The following ST8SIA6 variants were observed in gnomAD, a reference collection of about 807,000 sequenced individuals.
ST8SIA6 encodes ST8 alpha-N-acetyl-neuraminide alpha-2,8-sialyltransferase 6, also known as alpha-2,8-sialyltransferase 8F.
A neutral mutation model predicts 33.6 loss-of-function variants in ST8SIA6; 39 were observed. The ratio of observed to expected loss-of-function variants is 1.16; its 90% CI spans 0.90 to 1.52. The LOEUF is 1.52. Among genes scored for constraint, ST8SIA6 ranks in the 40% most tolerant of loss-of-function variants. The pLI is 0.00. For missense variants in ST8SIA6, 441 were observed against 443.8 expected, an observed-to-expected ratio of 0.99 and a Z score of 0.06; for synonymous variants, 172 against 167.2, an observed-to-expected ratio of 1.03 and a Z score of -0.22.
chr10:17,447,711 T>C (rs1331258777), intron 2 of ST8SIA6, among the ~76,000 whole-genome samples: 1 of 152,122 alleles, frequency 6.6e-6, no homozygotes, highest in Admixed American at 6.6e-5. Context: ...ATAATTTTCA[T>C]AGGAAAAAGT....
chr10:17,394,320 C>T (rs946258967), intron 2 of ST8SIA6, among the ~76,000 whole-genome samples: 1 of 150,026 alleles, frequency 6.7e-6, no homozygotes, highest in Non-Finnish European at 1.5e-5. Context: ...GCTCCACTCT[C>T]TGACTTTAGC....
intron 2 of ST8SIA6, among the ~76,000 whole-genome samples, chr10:17,408,940 C>CTTTTTTTTTT (rs112533742): frequency 7.2e-6 from 1 of 138,366 alleles, no homozygotes; most frequent in African/African-American, 2.6e-5. Context: ...TTCTTTCTTT[C>CTTTTTTTTTT]TTTTTTTTTT....
At chr10:17,422,101 C>G (rs1588909774) in intron 2 of ST8SIA6, among the ~76,000 whole-genome samples, 3 of 152,156 alleles carry the variant, frequency 2.0e-5, no homozygotes, top group East Asian at 1.9e-4. Flanking sequence ...GAACACCTAA[C>G]AATGATCTCT....
chr10:17,330,852 A>G (rs1848277279), intron 5 of ST8SIA6, among the ~76,000 whole-genome samples: 2 of 152,200 alleles, frequency 1.3e-5, no homozygotes, highest in Non-Finnish European at 2.9e-5. Flanking sequence ...ATATCATATC[A>G]TTACTCATTT....
intron 2 of ST8SIA6, among the ~76,000 whole-genome samples, chr10:17,414,443 A>C (rs1348058746): frequency 1.3e-5 from 2 of 152,222 alleles, no homozygotes; most frequent in African/African-American, 4.8e-5. Context: ...GCAGAGGAGC[A>C]ACACTTTCAT....
chr10:17,366,348 G>C (rs1282250378), intron 3 of ST8SIA6, among the ~76,000 whole-genome samples: 1 of 152,022 alleles, frequency 6.6e-6, no homozygotes, highest in Non-Finnish European at 1.5e-5. Flanking sequence ...CAGCTTCAGA[G>C]ATTAACTCCT....
intron 2 of ST8SIA6, among the ~76,000 whole-genome samples, chr10:17,448,902 G>C (rs961834270): frequency 1.3e-5 from 2 of 150,300 alleles, no homozygotes; most frequent in African/African-American, 4.9e-5. Flanking sequence ...TTACAGGCGT[G>C]AGCCATTGCG....
At chr10:17,335,131 C>T (rs994858419) in intron 4 of ST8SIA6, among the ~76,000 whole-genome samples, 14 of 152,216 alleles carry the variant, frequency 9.2e-5, no homozygotes, top group African/African-American at 3.4e-4. Context: ...TTTCTCTTCT[C>T]TCAGGTTTTC....
chr10:17,374,591 C>G (rs566325193), intron 3 of ST8SIA6, among the ~76,000 whole-genome samples: 1 of 151,484 alleles, frequency 6.6e-6, no homozygotes, highest in African/African-American at 2.4e-5. Flanking sequence ...GGCATGGTGG[C>G]GGGCACCAGC....
Position 17,385,616 on chromosome 10 carries a change from T to C in ST8SIA6, c.290+4915A>G, listed in dbSNP as rs959229846. On this transcript the variant is annotated intron_variant, in intron 3 of 7. Coordinates refer to ENST00000377602, the MANE Select transcript of ST8SIA6 (RefSeq NM_001004470.3). ...CTTGGTGGGGAGAGCTGGAGACATA[T>C]TGTCCAGGAGAAGGAATGTCACAAG... 7.2e-5 allele frequency among the ~76,000 whole-genome samples: 11 copies of C among 152,154 alleles called. No homozygotes were observed. The South Asian group carries it at 1.9e-3, about 26-fold the overall frequency.
intron 4 of ST8SIA6, among the ~76,000 whole-genome samples, chr10:17,351,200 A>G (rs1293537794): frequency 6.6e-6 from 1 of 151,760 alleles, no homozygotes; most frequent in African/African-American, 2.4e-5. Flanking sequence ...CACCTGTCCT[A>G]TCTATCCTGC....
At position 17,359,688 on chromosome 10, in the gene ST8SIA6, G is replaced by C. The variant is rs906429670; in HGVS notation, c.291-88C>G. ...ATACTGTTATAATCTACTCCCTTTA[G>C]TCTATAAATATTTTTTGATATAAGG... On this transcript the variant is annotated intron_variant, in intron 3 of 7. Transcript: ENST00000377602. The C allele has an allele frequency of 1.4e-5, 10 of 695,740 alleles. No homozygotes were observed. The Admixed American group carries it at 3.6e-4, about 25-fold the overall frequency. 43.1% of individuals were successfully genotyped at this position (695,740 alleles called of 1,614,324 possible).
At chr10:17,391,369 C>T (rs1235323504) in intron 2 of ST8SIA6, among the ~76,000 whole-genome samples, 1 of 152,072 alleles carries the variant, frequency 6.6e-6, no homozygotes, top group African/African-American at 2.4e-5. Context: ...TCACGCCATT[C>T]TCCTGCCTCA....
intron 3 of ST8SIA6, among the ~76,000 whole-genome samples, chr10:17,380,851 GTT>G (rs1850115759): frequency 3.5e-5 from 3 of 86,060 alleles, no homozygotes; most frequent in Middle Eastern, 4.6e-3. Context: ...ACGTTTGTGT[GTT>G]TGTGTGTATG....
At chr10:17,431,175 C>T (rs1163897296) in intron 2 of ST8SIA6, among the ~76,000 whole-genome samples, 1 of 152,116 alleles carries the variant, frequency 6.6e-6, no homozygotes, top group Non-Finnish European at 1.5e-5. Flanking sequence ...TGCAGACTGC[C>T]CCAAGGGCTG....
chr10:17,381,489 G>A (rs1464237498), intron 3 of ST8SIA6, among the ~76,000 whole-genome samples: 4 of 152,020 alleles, frequency 2.6e-5, no homozygotes, highest in Admixed American at 6.6e-5. Context: ...AAAAAAAAGT[G>A]CTTAAATCAA....
chr10:17,441,302 A>ATTTT (rs1175088506), intron 2 of ST8SIA6, among the ~76,000 whole-genome samples: 1 of 81,336 alleles, frequency 1.2e-5, no homozygotes. Context: ...CATCTAAATT[A>ATTTT]TCTTTATTTA....
chr10:17,400,491 G>A (rs909653271), intron 2 of ST8SIA6, among the ~76,000 whole-genome samples: 6 of 152,044 alleles, frequency 3.9e-5, no homozygotes, highest in Admixed American at 6.6e-5. Context: ...GAGATCACGC[G>A]ACTGCACTCC....
chr10:17,325,008 AAC>A (rs1197039580), intron 6 of ST8SIA6, among the ~76,000 whole-genome samples: 2 of 143,848 alleles, frequency 1.4e-5, no homozygotes, highest in African/African-American at 2.5e-5. Context: ...ATAAATATAT[AAC>A]ACATAATACT....
Sources: allele counts gnomAD v4.1 joint callset (sites outside exome capture counted in the v4.1 genomes callset), GRCh38; gene constraint gnomAD v4.1.1; transcripts MANE v1.5; gene names NCBI Gene and HGNC (gene_info 2026-07-23, HGNC 2026-07-21).